Variants in POR observed in about 807,000 individuals in gnomAD.
The protein encoded by POR is NADPH--cytochrome P450 reductase.
POR carries 56 observed loss-of-function variants against 84.0 expected under a neutral mutation model. That is an observed-to-expected ratio of 0.67 (90% CI 0.54 to 0.83). The LOEUF is 0.83. POR is among the 40% of genes least tolerant of loss of function. POR has a pLI of 0.00. For missense variants in POR, 938 were observed against 944.3 expected, an observed-to-expected ratio of 0.99 and a Z score of 0.09; for synonymous variants, 414 against 400.5, an observed-to-expected ratio of 1.03 and a Z score of -0.40.
At chr7:75,985,264 C>T in intron 12 of POR, 57 bp downstream of exon 12, 3 of 1,512,790 alleles carry the variant, frequency 2.0e-6, no homozygotes, top group Non-Finnish European at 2.7e-6. Context: ...CTGCTCACAG[C>T]AGGCAGAGTG....
chr7:75,935,516 G>C (rs1468663401), intron 1 of POR, among the ~76,000 whole-genome samples: 5 of 151,718 alleles, frequency 3.3e-5, no homozygotes, highest in Admixed American at 3.3e-4. Flanking sequence ...AAAGTGCTGG[G>C]ATTATAGGCT....
At chr7:75,946,056 G>T (rs1309426811) in intron 1 of POR, among the ~76,000 whole-genome samples, 5 of 152,154 alleles carry the variant, frequency 3.3e-5, no homozygotes, top group African/African-American at 1.2e-4. Context: ...TGGTGTGTGG[G>T]AGGGACTGGA....
chr7:75,919,080 C>T (rs570644796), intron 1 of POR, among the ~76,000 whole-genome samples: 25 of 151,364 alleles, frequency 1.7e-4, no homozygotes, highest in Non-Finnish European at 3.4e-4. Flanking sequence ...CTCACTGCAA[C>T]CTCTGTCTCC....
At chr7:75,917,399 T>TTTC (rs1806625431) in intron 1 of POR, among the ~76,000 whole-genome samples, 1 of 149,836 alleles carries the variant, frequency 6.7e-6, no homozygotes, top group Non-Finnish European at 1.5e-5. Flanking sequence ...TTTTTTTTTT[T>TTTC]TTCTGATGGA....
Position 75,983,864 on chromosome 7 carries a change from CCA to C in POR, c.1066+11_1066+12del, listed in dbSNP as rs782141727. 1 of 1,593,880 alleles carries C rather than the reference CCA, an allele frequency of 6.3e-7. No homozygotes were observed. The highest frequency in any genetic ancestry group is 1.3e-5 in the African/African-American group (1 of 74,588). On this transcript the variant is annotated intron_variant, in intron 10 of 15. Transcript: ENST00000461988. ...CCCTGAACAACCTGGATGGTGAGTG[CCA>C]CAGTCAGGGCGCCCTGCCGGGCTCA...
rs10239977 is a variant in POR, at chr7:75,979,668, C to T, written c.366+89C>T. ...AGGGCGCCCCTCAGCAGGGGGAGGC[C>T]GGCAGGGAGTGGGGTCCTGGGAAGA... On this transcript the variant is annotated intron_variant, in intron 4 of 15. Coordinates refer to ENST00000461988, the MANE Select transcript of POR (RefSeq NM_000941.3). 0.32 allele frequency: 492,059 copies of T among 1,540,602 alleles called. 83,573 individuals are homozygous for T. Among genetic ancestry groups the T allele is most frequent in the Non-Finnish European group, 0.36 (404,248 of 1,137,334 alleles).
chr7:75,950,104 T>G (rs1356382148), intron 1 of POR, among the ~76,000 whole-genome samples: 2 of 148,270 alleles, frequency 1.3e-5, no homozygotes, highest in African/African-American at 5.0e-5. Context: ...TCTCCTGACC[T>G]CGTGATCCAC....
At chr7:75,982,881 G>A (rs181746805) in intron 8 of POR, among the ~76,000 whole-genome samples, 8 of 152,324 alleles carry the variant, frequency 5.3e-5, no homozygotes, top group African/African-American at 1.4e-4. Flanking sequence ...AGTCCAGGAC[G>A]TGTGGGGGTG....
chr7:75,984,222 A>C (rs1789264624), intron 10 of POR, among the ~76,000 whole-genome samples: 1 of 152,090 alleles, frequency 6.6e-6, no homozygotes, highest in Non-Finnish European at 1.5e-5. Context: ...TCCTCACTGA[A>C]GTCAGGAGTC....
At chr7:75,928,150 T>C (rs1807237220) in intron 1 of POR, among the ~76,000 whole-genome samples, 1 of 151,944 alleles carries the variant, frequency 6.6e-6, no homozygotes, top group African/African-American at 2.4e-5. Context: ...TTTGTATTTT[T>C]AGTAGAGATA....
intron 1 of POR, among the ~76,000 whole-genome samples, chr7:75,927,088 G>A (rs944309540): frequency 1.3e-5 from 2 of 152,230 alleles, no homozygotes; most frequent in South Asian, 4.1e-4. Context: ...GAGACAGTTG[G>A]TCTGGGTTTG....
intron 8 of POR, among the ~76,000 whole-genome samples, chr7:75,982,717 G>C (rs1377411539): frequency 1.3e-5 from 2 of 152,236 alleles, no homozygotes; most frequent in Admixed American, 6.5e-5. Context: ...TTGCTGCCCA[G>C]ATTCCTGCCC....
At chr7:75,915,734 G>T (rs1030512493) in intron 1 of POR, 1 of 152,190 alleles carries the variant, frequency 6.6e-6, no homozygotes, top group Non-Finnish European at 1.5e-5. Context: ...AGTGCCCCTC[G>T]CAGTCAGGTG....
In POR at chr7:75,986,217, G is replaced by A. The variant is rs1443019875; in HGVS notation, c.1874G>A (p.Gly625Asp). The stretch of plus-strand genomic sequence containing the variant: ...GAGCACCTGTGGAAGTTGATCGAAG[G>A]CGGTGCCCACATCTACGTCTGTGGG... Residue 625 changes from glycine to aspartate, a missense_variant, in exon 15 of 16, where the codon GGC becomes GAC. Coordinates refer to ENST00000461988, the MANE Select transcript of POR (RefSeq NM_000941.3). 2 of 1,612,542 alleles carry A rather than the reference G, an allele frequency of 1.2e-6. No individual in the cohort carries two copies. The highest frequency in any genetic ancestry group is 1.7e-6 in the Non-Finnish European group (2 of 1,179,812).
chr7:75,963,031 T>C (rs1265345455), intron 2 of POR, among the ~76,000 whole-genome samples: 6 of 152,184 alleles, frequency 3.9e-5, no homozygotes, highest in Admixed American at 2.0e-4. Context: ...TTTTCCTGAG[T>C]GACCTTCCTT....
intron 1 of POR, among the ~76,000 whole-genome samples, chr7:75,949,636 C>A (rs1554552492): frequency 1.3e-5 from 2 of 152,058 alleles, no homozygotes; most frequent in East Asian, 3.9e-4. Context: ...TCTCCAGCCT[C>A]AGCCTCCTGA....
At chr7:75,944,025 T>A (rs1393789822) in intron 1 of POR, 2 of 343,822 alleles carry the variant, frequency 5.8e-6, no homozygotes, top group Non-Finnish European at 1.2e-5. Flanking sequence ...GGGAGTGACA[T>A]TAGAGGAGGC....
Position 75,954,129 on chromosome 7 carries a change from T to C in POR, c.137T>C (p.Leu46Pro). 3.1e-6 allele frequency: 5 copies of C among 1,613,310 alleles called. No homozygotes were observed. The highest frequency in any genetic ancestry group is 4.2e-6 in the Non-Finnish European group (5 of 1,179,602). The change falls in exon 2 of 16, where the codon CTC becomes CCC. Residue 46 changes from leucine to proline, a missense_variant. Coordinates refer to ENST00000461988, the MANE Select transcript of POR (RefSeq NM_000941.3). The stretch of plus-strand genomic sequence containing the variant: ...GTGGGTCTCCTAACCTACTGGTTCC[T>C]CTTCAGAAAGAAAAAAGAAGAAGTC...
At chr7:75,923,293 A>G in intron 1 of POR, 1 of 1,226,216 alleles carries the variant, frequency 8.2e-7, no homozygotes, top group Non-Finnish European at 1.2e-6. Flanking sequence ...TTCCCAAGGA[A>G]GCATTTCCAG....
Sources: allele counts gnomAD v4.1 joint callset (sites outside exome capture counted in the v4.1 genomes callset), GRCh38; gene constraint gnomAD v4.1.1; transcripts MANE v1.5; gene names NCBI Gene and HGNC (gene_info 2026-07-23, HGNC 2026-07-21).